Variants in CLHC1 observed in about 807,000 individuals in gnomAD.
The protein encoded by CLHC1 is clathrin heavy chain linker domain-containing protein 1.
Under a neutral mutation model 69.5 loss-of-function variants are expected in CLHC1, and 72 were observed. The ratio of observed to expected loss-of-function variants is 1.04; its 90% confidence interval spans 0.86 to 1.26. The LOEUF is 1.26. Among genes scored for constraint, CLHC1 ranks in the 50% most tolerant of loss-of-function variants. The pLI, the probability that CLHC1 is intolerant of heterozygous loss-of-function variation, is 0.00. For synonymous variants in CLHC1, 223 were observed against 224.3 expected (o/e 0.99, Z 0.05); for missense variants, 790 against 679.3 (o/e 1.16, Z -1.81).
At chr2:55,180,009 C>A (rs1333835622) in intron 11 of CLHC1, among the ~76,000 whole-genome samples, 1 of 151,908 alleles carries the variant, frequency 6.6e-6, no homozygotes, top group Non-Finnish European at 1.5e-5. Flanking sequence ...AAAAAGTTAG[C>A]CGGGCGTAGT....
chr2:55,179,969 A>C (rs1669760516), intron 11 of CLHC1, among the ~76,000 whole-genome samples: 1 of 152,082 alleles, frequency 6.6e-6, no homozygotes, highest in Non-Finnish European at 1.5e-5. Context: ...CCTGGCTAAC[A>C]CGGTGAAACC....
At chr2:55,188,783 A>T (rs1295960898) in intron 9 of CLHC1, among the ~76,000 whole-genome samples, 2 of 152,178 alleles carry the variant, frequency 1.3e-5, no homozygotes, top group Non-Finnish European at 2.9e-5. Flanking sequence ...AACAAGGCTA[A>T]ATTTCACAAC....
intron 8 of CLHC1, 63 bp from the exon 9 acceptor site, chr2:55,206,439 A>G (rs1193445631): frequency 2.2e-6 from 2 of 909,746 alleles, no homozygotes; most frequent in African/African-American, 3.3e-5. Flanking sequence ...AAAACTGATT[A>G]GAAATGTTTA....
intron 4 of CLHC1, chr2:55,214,374 G>T (rs185961162): frequency 6.6e-6 from 1 of 152,260 alleles, no homozygotes; most frequent in Non-Finnish European, 1.5e-5. Flanking sequence ...TGGGTGTGGT[G>T]GTGGGCACCT....
Position 55,175,764 on chromosome 2 carries a change from C to T in CLHC1, c.*26G>A, listed in dbSNP as rs1483936966. ...CAGCATACATAAGGTGTTGTACAAG[C>T]TCCCTCAGCTGGTTAAGATATAGAA... is the stretch of plus-strand genomic sequence containing the variant. On this transcript the variant is annotated 3_prime_UTR_variant, in exon 13 of 13. Transcript: ENST00000401408. 1 of 1,574,402 alleles carries T rather than the reference C, an allele frequency of 6.4e-7. No homozygotes were observed.
At chr2:55,190,758 G>A (rs1000512792) in intron 9 of CLHC1, among the ~76,000 whole-genome samples, 2 of 152,150 alleles carry the variant, frequency 1.3e-5, no homozygotes, top group African/African-American at 4.8e-5. Context: ...GCATATAACT[G>A]ACATCCCTGA....
chr2:55,207,921 G>A (rs2164715), intron 8 of CLHC1, among the ~76,000 whole-genome samples: 148,743 of 152,322 alleles, frequency 0.98, 72,661 homozygotes, highest in African/African-American at 0.99. Context: ...TGAAAGTAAT[G>A]TTTGATAAAA....
At chr2:55,202,381 C>A (rs1672031961) in intron 9 of CLHC1, among the ~76,000 whole-genome samples, 3 of 151,422 alleles carry the variant, frequency 2.0e-5, no homozygotes, top group South Asian at 2.1e-4. Context: ...CATGGAGAAA[C>A]CCTGTCCCTA....
At position 55,193,027 on chromosome 2, in the gene CLHC1, A is replaced by T. The variant is rs185050487; in HGVS notation, c.1007-11283T>A. On this transcript the variant is annotated intron_variant, in intron 9 of 12. Coordinates refer to ENST00000401408, the MANE Select transcript of CLHC1 (RefSeq NM_152385.4). The stretch of plus-strand genomic sequence containing the variant: ...TGCCTCAGCCTCCCGAGTAGCTGGG[A>T]TTCCAGGTACCCGCCACCACACCCG... Among the ~76,000 whole-genome samples the T allele has an allele frequency of 8.7e-5, 13 of 148,974 alleles. No homozygotes were observed. The East Asian group carries it at 2.3e-3, about 27-fold the overall frequency.
At chr2:55,190,484 T>A (rs1020326769) in intron 9 of CLHC1, among the ~76,000 whole-genome samples, 1 of 152,168 alleles carries the variant, frequency 6.6e-6, no homozygotes, top group Non-Finnish European at 1.5e-5. Flanking sequence ...TAAAAGTTAT[T>A]ATAACTGTAT....
intron 9 of CLHC1, among the ~76,000 whole-genome samples, chr2:55,186,868 G>C (rs543144402): frequency 1.3e-5 from 2 of 152,244 alleles, no homozygotes; most frequent in African/African-American, 2.4e-5. Context: ...AAGCAGATTT[G>C]AAATGTTCTA....
rs148648024 is a variant in CLHC1, at chr2:55,212,185, G to A, written c.499+488C>T. Among the ~76,000 whole-genome samples, 5 of 152,294 alleles carry A rather than the reference G, an allele frequency of 3.3e-5. No homozygotes were observed. The East Asian group carries it at 7.7e-4, about 23-fold the overall frequency. The stretch of plus-strand genomic sequence containing the variant: ...CCAGCTACTTGGGAGGCCAAGGCAC[G>A]AGAATCGCTTAAACCCTGGAGAGGG... On this transcript the variant is annotated intron_variant, in intron 5 of 12. Transcript: ENST00000401408.
At chr2:55,190,268 C>T (rs1056776715) in intron 9 of CLHC1, among the ~76,000 whole-genome samples, 2 of 151,924 alleles carry the variant, frequency 1.3e-5, no homozygotes, top group African/African-American at 2.4e-5. Context: ...AGGTTGGTCT[C>T]GATCTCCTGA....
intron 4 of CLHC1, among the ~76,000 whole-genome samples, chr2:55,214,159 T>G (rs1673269016): frequency 6.6e-6 from 1 of 152,176 alleles, no homozygotes; most frequent in Non-Finnish European, 1.5e-5. Context: ...GAGTAAAATT[T>G]GATCAGGAAG....
intron 9 of CLHC1, among the ~76,000 whole-genome samples, chr2:55,202,733 C>A (rs532884048): frequency 4.0e-5 from 6 of 151,696 alleles, no homozygotes; most frequent in Non-Finnish European, 5.9e-5. Context: ...TCCGTCTCTA[C>A]TGATAATACA....
At position 55,209,501 on chromosome 2, in the gene CLHC1, C is replaced by G; in HGVS notation, c.717G>C (p.Gln239His). Residue 239 changes from glutamine to histidine, a missense_variant, in exon 7 of 13, where the codon CAG (glutamine) becomes CAC (histidine). Transcript: ENST00000401408. ...KKLQFCHQRL[Q>H]IISQALSSWV... Reference sequence around the variant, plus strand: ...ATGAACTAAGTGCCTGTGAAATTATCTGCAGTCTTTGATGACTAAAAAGAT... The same window carrying G: ...ATGAACTAAGTGCCTGTGAAATTATGTGCAGTCTTTGATGACTAAAAAGAT... 6.2e-7 allele frequency: 1 copy of G among 1,609,504 alleles called. No homozygotes were observed. The highest frequency in any genetic ancestry group is 8.5e-7 in the Non-Finnish European group (1 of 1,177,792).
Position 55,181,746 on chromosome 2 carries a change from T to C in CLHC1, c.1007-2A>G. 1.2e-6 allele frequency: 2 copies of C among 1,607,584 alleles called. No homozygotes were observed. On this transcript the variant is annotated splice_acceptor_variant, in intron 9 of 12. Transcript: ENST00000401408. LOFTEE classifies it high-confidence loss of function. ...GCTTTCCTCTAATTTTTCCAACAGC[T>C]ACAGAAAGGAGAAAATTTTCTGAGT...
At position 55,217,925 on chromosome 2, in the gene CLHC1, G is replaced by A. The variant is rs151203280; in HGVS notation, c.251C>T (p.Thr84Ile). 1.2e-3 allele frequency: 1,964 copies of A among 1,598,708 alleles called. 36 individuals are homozygous for A. In the Admixed American group the frequency reaches 0.024, roughly 20 times the overall value. ...TGTAGTTCTTCGGTCTTTCTTTATTGTCTCAATAAAGGCATCATATTCTTT... is the reference window on the plus strand; with the variant it reads ...TGTAGTTCTTCGGTCTTTCTTTATTATCTCAATAAAGGCATCATATTCTTT... ...IKKEYDAFIE[T>I]IKKDRRTTFC... Residue 84 changes from threonine to isoleucine, a missense_variant, in exon 4 of 13, where the codon ACA (threonine) becomes ATA (isoleucine). Thr to Ile is a moderately conservative substitution (Grantham distance 89). Coordinates refer to ENST00000401408, the MANE Select transcript of CLHC1 (RefSeq NM_152385.4).
At chr2:55,218,769 A>C (rs1673826349) in intron 3 of CLHC1, among the ~76,000 whole-genome samples, 1 of 152,238 alleles carries the variant, frequency 6.6e-6, no homozygotes. Flanking sequence ...AAAAATAGAA[A>C]AGTTATAAAT....
Sources: allele counts gnomAD v4.1 joint callset (sites outside exome capture counted in the v4.1 genomes callset), GRCh38; gene constraint gnomAD v4.1.1; transcripts MANE v1.5; gene names NCBI Gene and HGNC (gene_info 2026-07-23, HGNC 2026-07-21).